BPTF: variants seen among roughly 807,000 people sequenced by gnomAD.
BPTF encodes the protein nucleosome-remodeling factor subunit BPTF.
A neutral mutation model predicts 292.5 loss-of-function variants in BPTF; 18 were observed. That is an observed-to-expected ratio of 0.06 (90% CI 0.04 to 0.09). BPTF has a LOEUF of 0.09. BPTF is among the 10% of genes least tolerant of loss of function. The pLI is 1.00. For missense variants in BPTF, 2,726 were observed against 3,498.7 expected, an observed-to-expected ratio of 0.78 and a Z score of 5.57; for synonymous variants, 1,225 against 1,251.9, an observed-to-expected ratio of 0.98 and a Z score of 0.45.
chr17:67,981,442 A>G (rs1330026053), intron 27 of BPTF: 15 of 1,231,374 alleles, frequency 1.2e-5, no homozygotes, highest in African/African-American at 1.6e-5. Flanking sequence ...ACAGATTGTG[A>G]TATCTTTAGT....
At chr17:67,840,192 TC>T (rs1225900881) in intron 1 of BPTF, among the ~76,000 whole-genome samples, 1 of 151,814 alleles carries the variant, frequency 6.6e-6, no homozygotes, top group Non-Finnish European at 1.5e-5. Context: ...AGCTTCCACT[TC>T]CTAGCCTCAA....
intron 11 of BPTF, among the ~76,000 whole-genome samples, chr17:67,915,040 C>T (rs576479025): frequency 1.2e-3 from 181 of 152,224 alleles, no homozygotes; most frequent in African/African-American, 4.3e-3. Flanking sequence ...AAAAGCCATG[C>T]ACGTGAAATG....
intron 1 of BPTF, among the ~76,000 whole-genome samples, chr17:67,849,769 C>G (rs2058272528): frequency 6.6e-6 from 1 of 151,858 alleles, no homozygotes; most frequent in Non-Finnish European, 1.5e-5. Flanking sequence ...GAAACCCCTT[C>G]TATACTAAAA....
At chr17:67,867,933 CCA>C (rs1298844911) in intron 3 of BPTF, among the ~76,000 whole-genome samples, 1 of 152,106 alleles carries the variant, frequency 6.6e-6, no homozygotes, top group Non-Finnish European at 1.5e-5. Flanking sequence ...CTATAAACAG[CCA>C]CACTTAGCGG....
intron 23 of BPTF, among the ~76,000 whole-genome samples, chr17:67,952,003 C>T (rs189117659): frequency 3.1e-5 from 4 of 130,432 alleles, no homozygotes; most frequent in South Asian, 4.7e-4. Context: ...TGCAGTGACC[C>T]GAGATCATGC....
chr17:67,952,063 A>AAAG (rs1361189102), intron 23 of BPTF, among the ~76,000 whole-genome samples: 1 of 150,996 alleles, frequency 6.6e-6, no homozygotes, highest in East Asian at 1.9e-4. Context: ...TCAAAAAAAA[A>AAAG]AAAAAAAAAA....
chr17:67,936,493 C>T (rs1487344956), intron 18 of BPTF: 1 of 152,168 alleles, frequency 6.6e-6, no homozygotes, highest in Non-Finnish European at 1.5e-5. Context: ...GCCTTTGTTG[C>T]ATAATGCCCT....
chr17:67,894,769 T>G (rs2061336175), intron 7 of BPTF, among the ~76,000 whole-genome samples: 1 of 152,224 alleles, frequency 6.6e-6, no homozygotes, highest in South Asian at 2.1e-4. Flanking sequence ...TATTCTGGAA[T>G]CTTGTAGGCA....
rs749771654 is a variant in BPTF at position 67,911,328 on chromosome 17, T to A, written c.3444T>A (p.Leu1148=). ...QGCSESDSSV[L]RMSDPSHTTN... ...GTTCAGAAAGTGATTCCTCAGTTCT[T>A]AGAATGAGTGATCCTAGTCATACCA... The change falls in exon 11 of 28, where the codon CTT becomes CTA. Residue 1148 remains leucine (L), a synonymous_variant. Coordinates refer to ENST00000306378, the MANE Select transcript of BPTF (RefSeq NM_182641.4). The A allele has an allele frequency of 1.9e-6, 3 of 1,614,122 alleles. No individual in the cohort carries two copies. Among genetic ancestry groups the A allele is most frequent in the South Asian group, 2.2e-5 (2 of 91,076 alleles).
Position 67,945,573 on chromosome 17 carries a change from GCTCAGCCTGAAGTTCAGA to G in BPTF, c.6885_6902del (p.Pro2297_Gln2302del), listed in dbSNP as rs781943191. The G allele has an allele frequency of 3.4e-5, 54 of 1,610,598 alleles. No homozygotes were observed. Among genetic ancestry groups the G allele is most frequent in the East Asian group, 1.1e-4 (5 of 44,766 alleles). On this transcript the variant is annotated inframe_deletion, in exon 21 of 28. Coordinates refer to ENST00000306378, the MANE Select transcript of BPTF (RefSeq NM_182641.4). ...GCCCCAAACCCAGCCCCAGTCCCCA[GCTCAGCCTGAAGTTCAGA>G]CTCAGCCTGAAGTTCAGACCCAAAC...
chr17:67,861,045 A>C (rs769615394), intron 2 of BPTF, among the ~76,000 whole-genome samples: 19 of 152,160 alleles, frequency 1.2e-4, no homozygotes, highest in Non-Finnish European at 2.5e-4. Context: ...CCTGTCCGCA[A>C]GGCAGGCACC....
At position 67,944,378 on chromosome 17, in the gene BPTF, G is replaced by A. The variant is rs1386009613; in HGVS notation, c.6700+6G>A. On this transcript the variant is annotated splice_donor_region_variant and intron_variant, in intron 20 of 27. Coordinates refer to ENST00000306378, the MANE Select transcript of BPTF (RefSeq NM_182641.4). The stretch of plus-strand genomic sequence containing the variant: ...TGTTTCCACGACAGCAGCAGGTAGA[G>A]CTGTGGGTTTATCGGAAATGTCGGA... 8 of 1,611,416 alleles carry A rather than the reference G, an allele frequency of 5.0e-6. No homozygotes were observed. The African/African-American group carries it at 9.3e-5, about 19-fold the overall frequency.
At position 67,869,058 on chromosome 17, in the gene BPTF, T is replaced by TC. The variant is rs200256041; in HGVS notation, c.1660+2377dup. 4.4e-3 allele frequency among the ~76,000 whole-genome samples: 673 copies of TC among 152,208 alleles called. 5 individuals are homozygous for TC. Among genetic ancestry groups the TC allele is most frequent in the African/African-American group, 0.015 (630 of 41,520 alleles). On this transcript the variant is annotated intron_variant, in intron 3 of 27. Transcript: ENST00000306378. ...CAGTAACACAATCTCCGTCTTACTC[T>TC]CCCCCCATATAGATCAAATCATAGG...
intron 26 of BPTF, among the ~76,000 whole-genome samples, 173 bp downstream of exon 26, chr17:67,966,829 C>T (rs531873991): frequency 1.5e-4 from 23 of 152,076 alleles, no homozygotes; most frequent in Middle Eastern, 3.4e-3. Flanking sequence ...TGGCCGGGTG[C>T]GGTGGCTCAC....
chr17:67,952,033 C>T (rs1458935041), intron 23 of BPTF, among the ~76,000 whole-genome samples: 5 of 109,216 alleles, frequency 4.6e-5, no homozygotes, highest in Non-Finnish European at 6.7e-5. Flanking sequence ...CCAGCCTGGG[C>T]GACAGAGTGA....
intron 26 of BPTF, among the ~76,000 whole-genome samples, chr17:67,968,474 A>G (rs748268059): frequency 6.6e-6 from 1 of 151,540 alleles, no homozygotes; most frequent in African/African-American, 2.4e-5. Context: ...ATACAAGTTA[A>G]TGGTAGAAAA....
At chr17:67,929,254 A>C in intron 16 of BPTF, 82 bp from the exon 17 acceptor site, 1 of 1,554,600 alleles carries the variant, frequency 6.4e-7, no homozygotes, top group Non-Finnish European at 8.7e-7. Context: ...TGCCACACGT[A>C]GTTTCTCCTC....
chr17:67,962,536 C>G (rs1302763394), intron 24 of BPTF, among the ~76,000 whole-genome samples: 2 of 152,218 alleles, frequency 1.3e-5, no homozygotes, highest in African/African-American at 2.4e-5. Flanking sequence ...CTTTGGATAA[C>G]TATCCTTGCA....
chr17:67,875,809 C>A, intron 4 of BPTF: 1 of 1,278,372 alleles, frequency 7.8e-7, no homozygotes, highest in Non-Finnish European at 1.0e-6. Context: ...TAGTAAAAGC[C>A]GAATGTCACC....
Sources: gnomAD v4.1 joint callset for allele counts (sites outside exome capture counted in the v4.1 genomes callset) on GRCh38, gnomAD v4.1.1 for gene constraint, MANE v1.5 for transcripts, NCBI Gene and HGNC (gene_info 2026-07-23, HGNC 2026-07-21) for gene names.